The following ZYG11A variants were observed in gnomAD, a reference collection of about 807,000 sequenced individuals.
ZYG11A encodes protein zyg-11 homolog A.
ZYG11A carries 62 observed loss-of-function variants against 77.2 expected under a neutral mutation model. That is an observed-to-expected ratio of 0.80 (90% CI 0.65 to 0.99). The LOEUF (loss-of-function observed/expected upper bound fraction) is 0.99. Ranked by LOEUF, ZYG11A falls within the 50% of genes least tolerant of loss-of-function variation. The probability of loss-of-function intolerance (pLI) is 0.00; values close to 1 mark genes in which losing one functional copy is unlikely to be tolerated. For missense variants in ZYG11A, 828 were observed against 896.8 expected, an observed-to-expected ratio of 0.92 and a Z score of 0.98; for synonymous variants, 315 against 324.6, an observed-to-expected ratio of 0.97 and a Z score of 0.32.
Position 52,858,289 on chromosome 1 carries a change from G to A in ZYG11A, c.1008+540G>A, listed in dbSNP as rs536991817. Among the ~76,000 whole-genome samples, 6 of 149,568 alleles carry A rather than the reference G, an allele frequency of 4.0e-5. No individual in the cohort carries two copies. In the East Asian group the frequency reaches 1.3e-3, roughly 33 times the overall value. On this transcript the variant is annotated intron_variant, in intron 3 of 13. Coordinates refer to ENST00000371528, the MANE Select transcript of ZYG11A (RefSeq NM_001004339.3). ...CGGGCGCCTGTAGTCCCAGCTACTT[G>A]GGAGGCTGAGGCAGGAGAATCACTT... is the stretch of plus-strand genomic sequence containing the variant.
rs1018362809 is a variant in ZYG11A, at chr1:52,869,967, C to A, written c.1542+2190C>A. On this transcript the variant is annotated intron_variant, in intron 8 of 13. Transcript: ENST00000371528. The stretch of plus-strand genomic sequence containing the variant: ...TGGCTGGCCGGGCGGGGGGCTGACC[C>A]CCCCCCACCCCCCTCCCGGGCGGGG... Among the ~76,000 whole-genome samples the A allele has an allele frequency of 3.4e-5, 5 of 146,306 alleles. 1 individual carries two copies. Among genetic ancestry groups the A allele is most frequent in the South Asian group, 2.1e-4 (1 of 4,688 alleles).
chr1:52,859,416 A>G (rs1292643363), intron 3 of ZYG11A, among the ~76,000 whole-genome samples: 2 of 151,898 alleles, frequency 1.3e-5, no homozygotes, highest in Non-Finnish European at 2.9e-5. Flanking sequence ...GCTCACTGCA[A>G]TCTCCGCCTC....
chr1:52,867,965 T>C (rs13373963), intron 8 of ZYG11A, among the ~76,000 whole-genome samples, 188 bp downstream of exon 8: 2,317 of 136,224 alleles, frequency 0.017, 80 homozygotes, highest in African/African-American at 0.063. Flanking sequence ...TTTCTTTTTT[T>C]TTTTTTTTTT....
intron 2 of ZYG11A, among the ~76,000 whole-genome samples, chr1:52,855,011 C>T (rs970905801): frequency 2.6e-5 from 4 of 151,822 alleles, no homozygotes; most frequent in Non-Finnish European, 5.9e-5. Flanking sequence ...ATTACAGGCG[C>T]CCACCACACC....
At chr1:52,889,701 T>G (rs989598230) in intron 13 of ZYG11A, among the ~76,000 whole-genome samples, 2 of 146,396 alleles carry the variant, frequency 1.4e-5, no homozygotes, top group African/African-American at 5.1e-5. Flanking sequence ...TTATTTCAAT[T>G]TGCTAAATAC....
intron 11 of ZYG11A, 138 bp from the exon 12 acceptor site, chr1:52,885,695 G>C: frequency 1.6e-6 from 1 of 633,160 alleles, no homozygotes; most frequent in Non-Finnish European, 2.8e-6. Context: ...GATATTGTGT[G>C]TATATAATCG....
rs1432793721 is a variant in ZYG11A at position 52,854,582 on chromosome 1, T to G, written c.208T>G (p.Phe70Val). 2.6e-6 allele frequency: 4 copies of G among 1,549,314 alleles called. No homozygotes were observed. The South Asian group carries it at 4.8e-5, about 19-fold the overall frequency. ...ACTGTGCCTTCCGGAGCATTGGAGTTTCCCTCAGGAAGTAGCCGAGCGATT... is the reference window on the plus strand; with the variant it reads ...ACTGTGCCTTCCGGAGCATTGGAGTGTCCCTCAGGAAGTAGCCGAGCGATT... Reference protein sequence around the residue: ...GTLCLPEHWSFPQEVAERFLR... With the variant: ...GTLCLPEHWSVPQEVAERFLR... Residue 70 changes from phenylalanine to valine, a missense_variant, in exon 2 of 14, where the codon TTC (phenylalanine) becomes GTC (valine). By Grantham distance (50) the Phe-to-Val change is conservative. Coordinates refer to ENST00000371528, the MANE Select transcript of ZYG11A (RefSeq NM_001004339.3).
rs527380739 is a variant in ZYG11A at position 52,860,776 on chromosome 1, C to T, written c.1054C>T (p.Arg352Ter). 3.3e-5 allele frequency: 51 copies of T among 1,551,548 alleles called. No homozygotes were observed. The highest frequency in any genetic ancestry group is 7.8e-5 in the Admixed American group (4 of 50,978). Reference sequence around the variant, plus strand: ...GAGTCAGATTTCAGAAGCACTGAGCCGATACAGGAACAGATCATGTTTTGT... The same window carrying T: ...GAGTCAGATTTCAGAAGCACTGAGCTGATACAGGAACAGATCATGTTTTGT... ...SMSQISEALS[R>*]YRNRSCFVKE... Residue 352 changes from arginine to a stop codon, truncating the protein, a stop_gained, in exon 4 of 14, where the codon CGA becomes TGA. Coordinates refer to ENST00000371528, the MANE Select transcript of ZYG11A (RefSeq NM_001004339.3). LOFTEE classifies it high-confidence loss of function.
At chr1:52,848,861 TG>T (rs1341858502) in intron 1 of ZYG11A, among the ~76,000 whole-genome samples, 11 of 152,188 alleles carry the variant, frequency 7.2e-5, no homozygotes, top group Non-Finnish European at 1.6e-4. Flanking sequence ...AGCTAGACTC[TG>T]TCTCAAAAAT....
At chr1:52,884,826 G>C (rs1290985695) in intron 11 of ZYG11A, among the ~76,000 whole-genome samples, 6 of 152,026 alleles carry the variant, frequency 3.9e-5, no homozygotes, top group Non-Finnish European at 8.8e-5. Context: ...GCCCAGTCCA[G>C]ATGTTTTTAT....
chr1:52,877,770 C>CAGAT lies in ZYG11A; in HGVS notation c.1632_1635dup (p.Gly546ArgfsTer12). 1 of 1,551,946 alleles carries CAGAT rather than the reference C, an allele frequency of 6.4e-7. No homozygotes were observed. The highest frequency in any genetic ancestry group is 8.7e-7 in the Non-Finnish European group (1 of 1,147,034). The stretch of plus-strand genomic sequence containing the variant: ...ACTTTGAAAGCACTTTGGAATCTTA[C>CAGAT]AGATGGGTCTCCAGCTGCCTGCAAG... On this transcript the variant is annotated frameshift_variant, in exon 9 of 14. Coordinates refer to ENST00000371528, the MANE Select transcript of ZYG11A (RefSeq NM_001004339.3). LOFTEE classifies it high-confidence loss of function.
At position 52,864,124 on chromosome 1, in the gene ZYG11A, C is replaced by T; in HGVS notation, c.1293C>T (p.Phe431=). Reference sequence around the variant, plus strand: ...TGTCAGAGGTCACCTGTCTACTTTTCAAGGCTCTGAAAAATTTCCCCCATT... The same window carrying T: ...TGTCAGAGGTCACCTGTCTACTTTTTAAGGCTCTGAAAAATTTCCCCCATT... ...RLLSEVTCLL[F]KALKNFPHYQ... The change falls in exon 5 of 14, where the codon TTC becomes TTT. Residue 431 remains phenylalanine (F), a synonymous_variant. Transcript: ENST00000371528. 2 of 1,551,574 alleles carry T rather than the reference C, an allele frequency of 1.3e-6. No individual in the cohort carries two copies. The highest frequency in any genetic ancestry group is 1.7e-6 in the Non-Finnish European group (2 of 1,147,000).
At chr1:52,886,900 C>T (rs1051034805) in intron 12 of ZYG11A, 56 bp from the exon 13 acceptor site, 7 of 807,234 alleles carry the variant, frequency 8.7e-6, no homozygotes, top group African/African-American at 8.7e-5. Flanking sequence ...TATTATATCC[C>T]TGAGCACTGG....
At chr1:52,869,211 G>GTTT (rs1646088598) in intron 8 of ZYG11A, among the ~76,000 whole-genome samples, 3 of 79,106 alleles carry the variant, frequency 3.8e-5, no homozygotes, top group African/African-American at 6.0e-5. Flanking sequence ...TACTTTATAG[G>GTTT]ATTTTTTTTT....
At chr1:52,860,005 A>G (rs1310078918) in intron 3 of ZYG11A, among the ~76,000 whole-genome samples, 2 of 152,090 alleles carry the variant, frequency 1.3e-5, no homozygotes, top group Admixed American at 6.6e-5. Context: ...ATAACTTTAT[A>G]TGAAGTCTTG....
chr1:52,852,791 T>G (rs1645738959), intron 1 of ZYG11A, among the ~76,000 whole-genome samples: 1 of 152,222 alleles, frequency 6.6e-6, no homozygotes, highest in Admixed American at 6.5e-5. Flanking sequence ...AAATATAGGT[T>G]AGTCTGGCCT....
intron 8 of ZYG11A, among the ~76,000 whole-genome samples, chr1:52,868,194 G>A (rs766673115): frequency 6.9e-4 from 105 of 151,754 alleles, no homozygotes; most frequent in Non-Finnish European, 1.3e-3. Flanking sequence ...TCGAACTCCT[G>A]ACCTCGTGAT....
At chr1:52,869,273 TCTTGGGTGTTTCTCGCAGA>T (rs1646091705) in intron 8 of ZYG11A, among the ~76,000 whole-genome samples, 1 of 150,726 alleles carries the variant, frequency 6.6e-6, no homozygotes, top group Admixed American at 6.6e-5. Flanking sequence ...TATTGATCAT[TCTTGGGTGTTTCTCGCAGA>T]GGGGGATTTG....
intron 4 of ZYG11A, among the ~76,000 whole-genome samples, chr1:52,862,034 C>G (rs989386324): frequency 6.6e-6 from 1 of 151,930 alleles, no homozygotes; most frequent in Admixed American, 6.6e-5. Context: ...CATGGTAGAA[C>G]CCCGTCTCTA....
Sources: gnomAD v4.1 joint callset for allele counts (sites outside exome capture counted in the v4.1 genomes callset) on GRCh38, gnomAD v4.1.1 for gene constraint, MANE v1.5 for transcripts, NCBI Gene and HGNC (gene_info 2026-07-23, HGNC 2026-07-21) for gene names.